The following BRINP1 variants were observed in gnomAD, a reference collection of about 807,000 sequenced individuals.
The protein encoded by BRINP1 is BMP/retinoic acid-inducible neural-specific protein 1.
Under a neutral mutation model 72.9 loss-of-function variants are expected in BRINP1, and 17 were observed. The observed-to-expected ratio is 0.23, with a 90% CI of 0.16 to 0.35. BRINP1 has a LOEUF of 0.35. Among genes scored for constraint, BRINP1 ranks in the 10% least tolerant of loss-of-function variants. BRINP1 has a pLI of 1.00. For missense variants in BRINP1, 850 were observed against 1,001.6 expected (o/e 0.85, Z 2.04); for synonymous variants, 418 against 378.5 (o/e 1.10, Z -1.21).
chr9:119,264,721 A>G lies in BRINP1; in HGVS notation c.219-15571T>C, dbSNP rs530617899. 3.3e-3 allele frequency among the ~76,000 whole-genome samples: 506 copies of G among 152,264 alleles called. 1 individual carries two copies. The highest frequency in any genetic ancestry group is 7.3e-3 in the Admixed American group (112 of 15,290). On this transcript the variant is annotated intron_variant, in intron 2 of 7. Coordinates refer to ENST00000265922, the MANE Select transcript of BRINP1 (RefSeq NM_014618.3). ...GAGTGTCGCTCATCACCCAGGCTGG[A>G]GTGCAGTGGCTCCATCTCAGCTCAC...
At chr9:119,187,085 T>G (rs1425042646) in intron 7 of BRINP1, among the ~76,000 whole-genome samples, 50 of 152,062 alleles carry the variant, frequency 3.3e-4, no homozygotes, top group Non-Finnish European at 1.5e-5. Flanking sequence ...CGCTGCCATC[T>G]GGGCCTGAGC....
intron 5 of BRINP1, among the ~76,000 whole-genome samples, chr9:119,230,731 T>A (rs555473395): frequency 6.6e-6 from 1 of 151,368 alleles, no homozygotes; most frequent in African/African-American, 2.4e-5. Context: ...AAGAGGAGGA[T>A]GAAGAGAAGG....
At chr9:119,184,372 TAGAA>T (rs1042703822) in intron 7 of BRINP1, among the ~76,000 whole-genome samples, 21 of 152,214 alleles carry the variant, frequency 1.4e-4, no homozygotes, top group African/African-American at 4.6e-4. Context: ...TGCCCATAAA[TAGAA>T]AGAAAGTTCC....
intron 1 of BRINP1, among the ~76,000 whole-genome samples, chr9:119,346,479 C>T (rs1363155233): frequency 1.3e-5 from 2 of 152,054 alleles, no homozygotes; most frequent in African/African-American, 4.8e-5. Context: ...ACATTTTAAC[C>T]ACCAACAAGA....
intron 1 of BRINP1, among the ~76,000 whole-genome samples, 152 bp from the exon 2 acceptor site, chr9:119,313,557 T>C (rs1831091692): frequency 6.6e-6 from 1 of 152,258 alleles, no homozygotes. Context: ...TAGAGTGCTT[T>C]AAAGTTTATA....
intron 7 of BRINP1, among the ~76,000 whole-genome samples, chr9:119,185,504 G>T (rs562817806): frequency 1.2e-4 from 19 of 152,292 alleles, no homozygotes; most frequent in African/African-American, 4.6e-4. Flanking sequence ...TGACTGACTA[G>T]AGGTGGCTAA....
chr9:119,187,345 A>G (rs1040737856), intron 7 of BRINP1, among the ~76,000 whole-genome samples: 1 of 152,038 alleles, frequency 6.6e-6, no homozygotes. Flanking sequence ...TGAGAACAAC[A>G]GGATCCCTGA....
intron 7 of BRINP1, among the ~76,000 whole-genome samples, chr9:119,197,122 G>C (rs1048764963): frequency 6.6e-6 from 1 of 152,174 alleles, no homozygotes; most frequent in South Asian, 2.1e-4. Context: ...TGCAAATATG[G>C]CAAGTGCTAG....
chr9:119,361,778 G>A (rs576816127), intron 1 of BRINP1, among the ~76,000 whole-genome samples: 33 of 143,306 alleles, frequency 2.3e-4, no homozygotes, highest in African/African-American at 6.8e-4. Flanking sequence ...GCACCATTAC[G>A]CCCAGCTACA....
At chr9:119,244,844 T>G (rs1255379453) in intron 3 of BRINP1, among the ~76,000 whole-genome samples, 1 of 152,192 alleles carries the variant, frequency 6.6e-6, no homozygotes, top group African/African-American at 2.4e-5. Flanking sequence ...CTTTCTGTTC[T>G]CCAGGAGACT....
intron 2 of BRINP1, among the ~76,000 whole-genome samples, chr9:119,312,408 C>A (rs1291783579): frequency 7.9e-5 from 12 of 152,094 alleles, no homozygotes; most frequent in Non-Finnish European, 1.8e-4. Flanking sequence ...GAAAAATATA[C>A]AAGAATGCAC....
intron 1 of BRINP1, among the ~76,000 whole-genome samples, chr9:119,331,873 C>T (rs934602146): frequency 4.6e-5 from 7 of 152,282 alleles, no homozygotes; most frequent in Non-Finnish European, 1.0e-4. Flanking sequence ...CCAGACTTAC[C>T]GAATCATAAA....
intron 7 of BRINP1, among the ~76,000 whole-genome samples, chr9:119,170,728 A>T (rs1829396796): frequency 1.5e-5 from 2 of 130,966 alleles, no homozygotes; most frequent in African/African-American, 6.9e-5. Context: ...GGGCAGCCAG[A>T]GAGAAAGGTC....
chr9:119,323,556 T>C (rs561271425), intron 1 of BRINP1, among the ~76,000 whole-genome samples: 1 of 152,162 alleles, frequency 6.6e-6, no homozygotes, highest in South Asian at 2.1e-4. Flanking sequence ...TAAAGATACA[T>C]TTTCCTACAT....
intron 2 of BRINP1, among the ~76,000 whole-genome samples, chr9:119,275,620 G>A (rs770927130): frequency 2.0e-5 from 3 of 152,110 alleles, no homozygotes; most frequent in Non-Finnish European, 4.4e-5. Flanking sequence ...TTGGATGCTT[G>A]GGACCAAGTC....
chr9:119,272,443 C>T (rs1170623301), intron 2 of BRINP1, among the ~76,000 whole-genome samples: 7 of 152,056 alleles, frequency 4.6e-5, no homozygotes, highest in Admixed American at 4.6e-4. Flanking sequence ...GTGACCTGCA[C>T]ATCCATATTG....
At chr9:119,340,264 C>T (rs78240352) in intron 1 of BRINP1, among the ~76,000 whole-genome samples, 2,650 of 152,240 alleles carry the variant, frequency 0.017, 98 homozygotes, top group African/African-American at 0.061. Flanking sequence ...AGTGAAGGAA[C>T]AGATATTACC....
intron 1 of BRINP1, among the ~76,000 whole-genome samples, chr9:119,324,062 G>A (rs1268124704): frequency 6.6e-6 from 1 of 152,148 alleles, no homozygotes; most frequent in Non-Finnish European, 1.5e-5. Context: ...GAAGCAAGTG[G>A]TTTTTGCTTT....
At chr9:119,309,446 CT>C (rs2118991236) in intron 2 of BRINP1, among the ~76,000 whole-genome samples, 1 of 152,316 alleles carries the variant, frequency 6.6e-6, no homozygotes, top group African/African-American at 2.4e-5. Context: ...TAGTGCCTTT[CT>C]CATTTGTGAT....
Sources: allele counts gnomAD v4.1 joint callset (sites outside exome capture counted in the v4.1 genomes callset), GRCh38; gene constraint gnomAD v4.1.1; transcripts MANE v1.5; gene names NCBI Gene and HGNC (gene_info 2026-07-23, HGNC 2026-07-21).